PCSK5: variants seen among roughly 807,000 people sequenced by gnomAD.
PCSK5 encodes prohormone convertase 5.
PCSK5 carries 129 observed loss-of-function variants against 233.2 expected under a neutral mutation model. The ratio of observed to expected loss-of-function variants is 0.55; its 90% CI spans 0.48 to 0.64. The LOEUF (loss-of-function observed/expected upper bound fraction) is 0.64. Among genes scored for constraint, PCSK5 ranks in the 30% least tolerant of loss-of-function variants. The pLI, the probability that PCSK5 is intolerant of heterozygous loss-of-function variation, is 0.00. For synonymous variants in PCSK5, 825 were observed against 879.2 expected (o/e 0.94, Z 1.09); for missense variants, 2,076 against 2,430.1 (o/e 0.85, Z 3.06).
At chr9:75,937,068 T>C (rs1477847195) in intron 2 of PCSK5, among the ~76,000 whole-genome samples, 1 of 152,054 alleles carries the variant, frequency 6.6e-6, no homozygotes, top group Admixed American at 6.6e-5. Flanking sequence ...TAGTGATAGG[T>C]CTCAACAGTT....
chr9:76,239,568 T>A (rs546878748), intron 23 of PCSK5, among the ~76,000 whole-genome samples: 3 of 151,696 alleles, frequency 2.0e-5, no homozygotes, highest in Non-Finnish European at 2.9e-5. Context: ...TGGTGTTGCA[T>A]GCCTATAATC....
intron 32 of PCSK5, 97 bp from the exon 33 acceptor site, chr9:76,327,912 T>G: frequency 1.3e-6 from 1 of 783,390 alleles, no homozygotes; most frequent in Non-Finnish European, 2.3e-6. Flanking sequence ...GGAAGAAATG[T>G]GAAAGGAATG....
chr9:76,138,928 C>T (rs753086967), intron 10 of PCSK5, among the ~76,000 whole-genome samples: 2 of 151,950 alleles, frequency 1.3e-5, no homozygotes, highest in African/African-American at 4.8e-5. Flanking sequence ...AAACCTCCCC[C>T]ATCCCCACTG....
intron 14 of PCSK5, among the ~76,000 whole-genome samples, chr9:76,178,452 G>A (rs993114998): frequency 2.2e-4 from 34 of 152,138 alleles, no homozygotes; most frequent in Non-Finnish European, 8.8e-5. Flanking sequence ...ATGTGATACT[G>A]GGCAAGCCAC....
At position 76,206,619 on chromosome 9, in the gene PCSK5, C is replaced by A. The variant is rs964971921; in HGVS notation, c.2626+16873C>A. Among the ~76,000 whole-genome samples the A allele has an allele frequency of 7.2e-5, 11 of 152,208 alleles. No individual in the cohort carries two copies. In the East Asian group the frequency reaches 2.1e-3, roughly 29 times the overall value. Reference sequence around the variant, plus strand: ...AGGGCAATGCTAAGATGAGCATCAGCCCACCTCACAGAGCGCAAACAAGGC... The same window carrying A: ...AGGGCAATGCTAAGATGAGCATCAGACCACCTCACAGAGCGCAAACAAGGC... On this transcript the variant is annotated intron_variant, in intron 20 of 37. Coordinates refer to ENST00000674117, the MANE Select transcript of PCSK5 (RefSeq NM_001372043.1).
chr9:76,160,321 G>A (rs931544946), intron 12 of PCSK5, among the ~76,000 whole-genome samples: 9 of 152,170 alleles, frequency 5.9e-5, no homozygotes, highest in Non-Finnish European at 1.0e-4. Flanking sequence ...GGGAGCATGG[G>A]AGAAAGTTGT....
intron 2 of PCSK5, among the ~76,000 whole-genome samples, chr9:75,964,579 CT>C (rs1378937111): frequency 1.3e-5 from 2 of 152,200 alleles, no homozygotes; most frequent in Non-Finnish European, 2.9e-5. Flanking sequence ...AGCGGAGAGT[CT>C]GTGCTTTGCA....
chr9:76,209,531 G>T, intron 20 of PCSK5: 1 of 515,800 alleles, frequency 1.9e-6, no homozygotes, highest in Non-Finnish European at 3.9e-6. Flanking sequence ...ATAATTAGAT[G>T]ATGAATGAAT....
intron 1 of PCSK5, among the ~76,000 whole-genome samples, chr9:75,931,755 T>C (rs973498482): frequency 6.6e-6 from 1 of 152,214 alleles, no homozygotes; most frequent in Admixed American, 6.5e-5. Flanking sequence ...GAACCAACTG[T>C]TTTTATACAG....
intron 36 of PCSK5, among the ~76,000 whole-genome samples, chr9:76,351,509 A>G (rs1482155244): frequency 1.1e-4 from 14 of 122,494 alleles, no homozygotes; most frequent in African/African-American, 1.7e-4. Flanking sequence ...AGAAAGAAAG[A>G]AAGAAAGAAA....
chr9:76,292,172 C>G (rs1308481122), intron 24 of PCSK5, 61 bp from the exon 25 acceptor site: 2 of 941,322 alleles, frequency 2.1e-6, no homozygotes, highest in Non-Finnish European at 3.5e-6. Context: ...GCTTTCAGAC[C>G]CTATTTTTCC....
At chr9:76,034,967 T>C (rs556304939) in intron 5 of PCSK5, among the ~76,000 whole-genome samples, 4 of 152,292 alleles carry the variant, frequency 2.6e-5, no homozygotes, top group Non-Finnish European at 5.9e-5. Context: ...AGATATCTTT[T>C]TTTCTGACCT....
intron 9 of PCSK5, among the ~76,000 whole-genome samples, chr9:76,110,863 CT>C (rs1832183543): frequency 6.6e-6 from 1 of 152,038 alleles, no homozygotes; most frequent in Non-Finnish European, 1.5e-5. Context: ...AATCCCAGCA[CT>C]TTGGGAGACT....
At position 76,295,341 on chromosome 9, in the gene PCSK5, G is replaced by A. The variant is rs540467389; in HGVS notation, c.3252G>A (p.Ala1084=). 8.1e-5 allele frequency: 131 copies of A among 1,611,756 alleles called. 1 individual carries two copies. In the South Asian group the frequency reaches 1.1e-3, roughly 13 times the overall value. The part of the protein sequence containing the change: ...KTYSEEVECK[A]CDSNCGSCDQ... ...ACAGTGAGGAAGTGGAATGCAAGGC[G>A]TGTGATAGTAACTGTGGCAGCTGTG... Residue 1084 remains alanine, a synonymous_variant, in exon 26 of 38, where the codon GCG becomes GCA. Transcript: ENST00000674117.
At chr9:75,978,876 TTTTC>T (rs994431220) in intron 2 of PCSK5, among the ~76,000 whole-genome samples, 1 of 148,138 alleles carries the variant, frequency 6.8e-6, no homozygotes, top group Non-Finnish European at 1.5e-5. Flanking sequence ...TCCCTTTTTT[TTTTC>T]TTTTTTTCTG....
At chr9:76,160,408 C>G (rs896798879) in intron 12 of PCSK5, among the ~76,000 whole-genome samples, 1 of 152,156 alleles carries the variant, frequency 6.6e-6, no homozygotes, top group Admixed American at 6.5e-5. Flanking sequence ...AAATGACAAA[C>G]CACAGCCCAA....
intron 1 of PCSK5, among the ~76,000 whole-genome samples, chr9:75,908,634 C>T (rs1270656867): frequency 6.6e-6 from 1 of 152,186 alleles, no homozygotes; most frequent in African/African-American, 2.4e-5. Flanking sequence ...TCTGCCTCTA[C>T]TCATGTCATT....
chr9:76,140,442 A>G (rs1230524185), intron 10 of PCSK5, among the ~76,000 whole-genome samples: 1 of 152,114 alleles, frequency 6.6e-6, no homozygotes, highest in African/African-American at 2.4e-5. Flanking sequence ...AGTGCTTTGA[A>G]AATGGAAAAT....
chr9:76,351,169 G>A (rs754645624), intron 36 of PCSK5, among the ~76,000 whole-genome samples: 3 of 152,238 alleles, frequency 2.0e-5, no homozygotes, highest in East Asian at 1.9e-4. Context: ...AAGTTAAGTC[G>A]TGAGGGCCTC....
Sources: gnomAD v4.1 joint callset for allele counts (sites outside exome capture counted in the v4.1 genomes callset) on GRCh38, gnomAD v4.1.1 for gene constraint, MANE v1.5 for transcripts, NCBI Gene and HGNC (gene_info 2026-07-23, HGNC 2026-07-21) for gene names.